The following TNRC6A variants were observed in gnomAD, a reference collection of about 807,000 sequenced individuals.
TNRC6A encodes trinucleotide repeat-containing gene 6A protein.
In TNRC6A, 44 loss-of-function variants were observed where a neutral mutation model predicts 221.2. The observed-to-expected ratio is 0.20, with a 90% CI of 0.16 to 0.26. The LOEUF is 0.26. TNRC6A is among the 10% of genes least tolerant of loss of function. TNRC6A has a pLI of 1.00. For missense variants in TNRC6A, 2,199 were observed against 2,404.4 expected (o/e 0.91, Z 1.79); for synonymous variants, 847 against 838.5 (o/e 1.01, Z -0.18).
At chr16:24,656,466 C>CAAA (rs71156432) in intron 2 of TNRC6A, among the ~76,000 whole-genome samples, 11 of 122,674 alleles carry the variant, frequency 9.0e-5, no homozygotes, top group Non-Finnish European at 1.3e-4. Flanking sequence ...GACTCCATCT[C>CAAA]AAAAAAAAAA....
At chr16:24,643,316 T>G (rs1328761120) in intron 2 of TNRC6A, among the ~76,000 whole-genome samples, 3 of 151,460 alleles carry the variant, frequency 2.0e-5, no homozygotes, top group African/African-American at 7.3e-5. Flanking sequence ...GCCGTGACAC[T>G]GAGGTTTCCA....
Position 24,790,920 on chromosome 16 carries a change from A to T in TNRC6A, c.2278A>T (p.Thr760Ser). 1 of 1,614,046 alleles carries T rather than the reference A, an allele frequency of 6.2e-7. No individual in the cohort carries two copies. The highest frequency in any genetic ancestry group is 8.5e-7 in the Non-Finnish European group (1 of 1,179,988). ...GGCCTGGGGAAGCTCTGCAACACAG[A>T]CTTTTAACTCAGGGGCATGTATAGA... ...TEAWGSSATQ[T>S]FNSGACIDKT... The change falls in exon 6 of 25, where the codon ACT (threonine) becomes TCT (serine). Residue 760 changes from threonine (T) to serine (S), a missense_variant. By Grantham distance (58) the Thr-to-Ser change is moderately conservative. Transcript: ENST00000395799.
rs2058252895 is a variant in TNRC6A at position 24,797,924 on chromosome 16, C to A, written c.3652C>A (p.Pro1218Thr). The change falls in exon 11 of 25, where the codon CCA (proline) becomes ACA (threonine). Residue 1218 changes from proline (P) to threonine (T), a missense_variant. Pro to Thr is a conservative substitution (Grantham distance 38). Coordinates refer to ENST00000395799, the MANE Select transcript of TNRC6A (RefSeq NM_014494.4). ...CATTTTCTTTCTTCAGAGAGACTCA[C>A]CAGAGGAAAATGTACAAAGCAATAA... Reference protein sequence around the residue: ...FSNISFSRDSPEENVQSNKMD... With the variant: ...FSNISFSRDSTEENVQSNKMD... The A allele has an allele frequency of 6.2e-7, 1 of 1,609,382 alleles. No homozygotes were observed. Among genetic ancestry groups the A allele is most frequent in the Non-Finnish European group, 8.5e-7 (1 of 1,177,540 alleles).
intron 2 of TNRC6A, among the ~76,000 whole-genome samples, chr16:24,746,654 G>A (rs2057017066): frequency 6.6e-6 from 1 of 152,156 alleles, no homozygotes. Context: ...ATAAGATAGT[G>A]ACATTTAAAA....
chr16:24,626,593 A>G (rs989570139), intron 1 of TNRC6A, among the ~76,000 whole-genome samples: 3 of 151,706 alleles, frequency 2.0e-5, no homozygotes, highest in African/African-American at 7.3e-5. Flanking sequence ...TTTTACATAT[A>G]CACATTCACA....
At position 24,712,894 on chromosome 16, in the gene TNRC6A, T is replaced by C. The variant is rs974788261; in HGVS notation, n.403-37832T>C. ...TCAGCCTCTTGAGAATTTGGGGCCA[T>C]AGTTATGTGCCACTGTGTGTGTGTG... is the stretch of plus-strand genomic sequence containing the variant. On this transcript the variant is annotated intron_variant and non_coding_transcript_variant, in intron 2 of 2. Transcript: ENST00000566108. Among the ~76,000 whole-genome samples, 4 of 148,804 alleles carry C rather than the reference T, an allele frequency of 2.7e-5. No homozygotes were observed. In the South Asian group the frequency reaches 8.6e-4, roughly 32 times the overall value.
At chr16:24,822,770 C>T in intron 23 of TNRC6A, 104 bp from the exon 24 acceptor site, 1 of 1,484,408 alleles carries the variant, frequency 6.7e-7, no homozygotes, top group Non-Finnish European at 9.1e-7. Context: ...GCCAGGAGCA[C>T]AGAGCCTCAG....
chr16:24,762,345 T>C (rs765242950), intron 4 of TNRC6A, among the ~76,000 whole-genome samples: 1 of 152,244 alleles, frequency 6.6e-6, no homozygotes, highest in Non-Finnish European at 1.5e-5. Flanking sequence ...GTCAGCTGCA[T>C]GTCAAATCAT....
chr16:24,790,477 T>C lies in TNRC6A; in HGVS notation c.1835T>C (p.Leu612Ser), dbSNP rs1351846466. The C allele has an allele frequency of 1.2e-6, 2 of 1,614,228 alleles. No homozygotes were observed. The highest frequency in any genetic ancestry group is 1.6e-4 in the Middle Eastern group (1 of 6,062). ...GTPAQNTGTN[L>S]PSVEWNKLPS... The stretch of plus-strand genomic sequence containing the variant: ...CCTGCACAAAACACTGGCACTAATT[T>C]ACCCAGCGTTGAGTGGAACAAACTG... Residue 612 changes from leucine to serine, a missense_variant, in exon 6 of 25, where the codon TTA (leucine) becomes TCA (serine). Leu to Ser is a moderately radical substitution (Grantham distance 145, BLOSUM62 -2). Transcript: ENST00000395799.
intron 2 of TNRC6A, among the ~76,000 whole-genome samples, chr16:24,715,274 T>C (rs2056291236): frequency 1.3e-5 from 2 of 152,118 alleles, no homozygotes; most frequent in African/African-American, 4.8e-5. Context: ...AAGATCTCAC[T>C]TTATTGTCCA....
chr16:24,686,362 A>G (rs1420844144), intron 2 of TNRC6A, among the ~76,000 whole-genome samples: 1 of 152,144 alleles, frequency 6.6e-6, no homozygotes, highest in Admixed American at 6.6e-5. Flanking sequence ...ATTTAGGATG[A>G]CATCATGGAA....
intron 1 of TNRC6A, among the ~76,000 whole-genome samples, chr16:24,614,104 AC>A (rs1713852049): frequency 6.6e-6 from 1 of 152,116 alleles, no homozygotes; most frequent in Non-Finnish European, 1.5e-5. Flanking sequence ...GGATGATCTC[AC>A]CCAGGTGTCT....
chr16:24,681,912 G>A (rs556115441), intron 2 of TNRC6A, among the ~76,000 whole-genome samples: 1 of 152,174 alleles, frequency 6.6e-6, no homozygotes, highest in African/African-American at 2.4e-5. Flanking sequence ...TTAAAATGTT[G>A]CAACGTGTTG....
chr16:24,626,085 G>C (rs1036485796), intron 1 of TNRC6A, among the ~76,000 whole-genome samples: 1 of 152,084 alleles, frequency 6.6e-6, no homozygotes, highest in African/African-American at 2.4e-5. Context: ...GCATGATGCT[G>C]AGGTTTGGAG....
At chr16:24,625,399 G>A (rs542099972) in intron 1 of TNRC6A, among the ~76,000 whole-genome samples, 23 of 152,240 alleles carry the variant, frequency 1.5e-4, no homozygotes, top group African/African-American at 5.3e-4. Flanking sequence ...GGATCACAAG[G>A]TCAGGAGTTC....
intron 2 of TNRC6A, among the ~76,000 whole-genome samples, chr16:24,656,152 A>AAAAAAG (rs1555485616): frequency 6.6e-5 from 10 of 150,790 alleles, no homozygotes; most frequent in East Asian, 3.9e-4. Flanking sequence ...AAAAAAAAAA[A>AAAAAAG]AAAAGAAAAG....
chr16:24,809,502 C>CAAAAA (rs56154395), intron 18 of TNRC6A, 21 bp downstream of exon 18: 5 of 1,171,416 alleles, frequency 4.3e-6, no homozygotes, highest in East Asian at 3.2e-5. Flanking sequence ...TACATCTTAC[C>CAAAAA]AAAAAAAAAA....
At position 24,693,480 on chromosome 16, in the gene TNRC6A, C is replaced by T. The variant is rs369703742; in HGVS notation, n.402+52471C>T. On this transcript the variant is annotated intron_variant and non_coding_transcript_variant, in intron 2 of 2. Coordinates refer to the TNRC6A transcript ENST00000566108. ...TTGCACACCTGTAATCCCAGCTACT[C>T]GGGAGGCTGAGGCAGGAGAATCGCT... 1.4e-3 allele frequency among the ~76,000 whole-genome samples: 219 copies of T among 152,098 alleles called. 1 individual carries two copies. The highest frequency in any genetic ancestry group is 5.0e-3 in the African/African-American group (207 of 41,508).
intron 18 of TNRC6A, among the ~76,000 whole-genome samples, chr16:24,812,019 A>T (rs78197604): frequency 2.0e-4 from 8 of 40,816 alleles, no homozygotes; most frequent in Admixed American, 4.5e-4. Context: ...TCACTTTGGG[A>T]TTTTTTTTTT....
Sources: gnomAD v4.1 joint callset for allele counts (sites outside exome capture counted in the v4.1 genomes callset) on GRCh38, gnomAD v4.1.1 for gene constraint, MANE v1.5 for transcripts, NCBI Gene and HGNC (gene_info 2026-07-23, HGNC 2026-07-21) for gene names.